IARS2: variants seen among roughly 807,000 people sequenced by gnomAD.
The protein encoded by IARS2 is isoleucine--tRNA ligase, mitochondrial.
In IARS2, 56 loss-of-function variants were observed where a neutral mutation model predicts 126.3. The ratio of observed to expected loss-of-function variants is 0.44; its 90% CI spans 0.36 to 0.55. IARS2 has a LOEUF of 0.55. IARS2 is among the 20% of genes least tolerant of loss of function. IARS2 has a pLI of 0.00. For missense variants in IARS2, 1,127 were observed against 1,245.9 expected (o/e 0.90, Z 1.44); for synonymous variants, 407 against 441.1 (o/e 0.92, Z 0.97).
intron 21 of IARS2, chr1:220,144,073 A>T: frequency 8.3e-7 from 1 of 1,210,214 alleles, no homozygotes; most frequent in Non-Finnish European, 1.2e-6. Flanking sequence ...GGATGGAAGC[A>T]GATTATTTTG....
intron 14 of IARS2, among the ~76,000 whole-genome samples, chr1:220,129,082 C>T (rs1019166180): frequency 1.3e-5 from 2 of 151,912 alleles, no homozygotes; most frequent in Admixed American, 6.6e-5. Flanking sequence ...GGGGTTTCAC[C>T]GTGTTGGCCA....
chr1:220,094,615 A>G, intron 1 of IARS2, 132 bp downstream of exon 1: 1 of 714,122 alleles, frequency 1.4e-6, no homozygotes, highest in South Asian at 2.0e-5. Flanking sequence ...GATTGGTGGA[A>G]TTCGTCTGCT....
intron 10 of IARS2, among the ~76,000 whole-genome samples, chr1:220,110,407 CCAGGCTGGAGTGCAGTGG>C (rs1245987249): frequency 6.6e-6 from 1 of 152,162 alleles, no homozygotes; most frequent in African/African-American, 2.4e-5. Context: ...GCTCTGTCAC[CCAGGCTGGAGTGCAGTGG>C]CACGATCTCG....
At chr1:220,116,252 C>T (rs919296583) in intron 12 of IARS2, among the ~76,000 whole-genome samples, 4 of 152,110 alleles carry the variant, frequency 2.6e-5, no homozygotes, top group African/African-American at 9.7e-5. Flanking sequence ...GCACTTAGTA[C>T]GTGTCAGTGC....
intron 20 of IARS2, among the ~76,000 whole-genome samples, chr1:220,142,265 G>A (rs547188101): frequency 1.3e-5 from 2 of 152,304 alleles, no homozygotes; most frequent in Non-Finnish European, 2.9e-5. Flanking sequence ...TTGGGAGGCC[G>A]AGGTGGGCAG....
intron 13 of IARS2, among the ~76,000 whole-genome samples, chr1:220,125,606 C>A (rs974975080): frequency 1.3e-5 from 2 of 152,078 alleles, no homozygotes; most frequent in African/African-American, 4.8e-5. Flanking sequence ...GAGTTTGAGA[C>A]CAGCCTGGGC....
intron 14 of IARS2, among the ~76,000 whole-genome samples, chr1:220,129,040 G>A (rs1417061571): frequency 6.6e-6 from 1 of 151,900 alleles, no homozygotes; most frequent in Non-Finnish European, 1.5e-5. Flanking sequence ...GTGCCACCAT[G>A]CCCAGCTAAT....
intron 2 of IARS2, among the ~76,000 whole-genome samples, chr1:220,096,938 C>T (rs990678997): frequency 1.3e-4 from 20 of 151,684 alleles, no homozygotes; most frequent in African/African-American, 4.4e-4. Context: ...CCCAGCTACT[C>T]GGGAGGCTGA....
intron 10 of IARS2, among the ~76,000 whole-genome samples, chr1:220,108,300 G>T (rs1408980835): frequency 6.6e-6 from 1 of 151,734 alleles, no homozygotes; most frequent in African/African-American, 2.4e-5. Context: ...GACCTCAGGT[G>T]ATCTGCCCAC....
chr1:220,134,331 A>C (rs1482713918), intron 14 of IARS2, 71 bp from the exon 15 acceptor site: 5 of 1,033,498 alleles, frequency 4.8e-6, no homozygotes, highest in Middle Eastern at 2.5e-4. Context: ...GTTATTAATA[A>C]GTATCTTCTT....
intron 3 of IARS2, 77 bp from the exon 4 acceptor site, chr1:220,102,050 TAG>T: frequency 7.4e-7 from 1 of 1,348,086 alleles, no homozygotes; most frequent in Non-Finnish European, 1.0e-6. Flanking sequence ...CATTTGCATT[TAG>T]AGAGATACAT....
At chr1:220,129,537 T>C (rs796971828) in intron 14 of IARS2, among the ~76,000 whole-genome samples, 37 of 152,322 alleles carry the variant, frequency 2.4e-4, no homozygotes, top group African/African-American at 8.9e-4. Context: ...CTCTGGTAAC[T>C]GTCATTCTAC....
chr1:220,106,263 A>C (rs886851357), intron 9 of IARS2, among the ~76,000 whole-genome samples: 2 of 152,242 alleles, frequency 1.3e-5, no homozygotes, highest in African/African-American at 4.8e-5. Context: ...TTAGCACTTT[A>C]GAATTGAAGA....
At chr1:220,108,882 T>TTTA (rs1656741581) in intron 10 of IARS2, among the ~76,000 whole-genome samples, 5 of 147,816 alleles carry the variant, frequency 3.4e-5, no homozygotes, top group Admixed American at 6.8e-5. Flanking sequence ...TTTTTTTTTT[T>TTTA]ATTGGAGGGA....
At chr1:220,110,673 C>T (rs1656781417) in intron 10 of IARS2, 113 bp from the exon 11 acceptor site, 2 of 800,826 alleles carry the variant, frequency 2.5e-6, no homozygotes, top group Admixed American at 2.5e-5. Context: ...AAGGTGACTA[C>T]TCTTATTGCC....
rs377296322 is a variant in IARS2, at chr1:220,143,257, A to G, written c.2751+123A>G. Reference sequence around the variant, plus strand: ...GGGTTATGTGTAACTTTACTATGCAATTATTCTATTATGTTCCTTTTCACA... The same window carrying G: ...GGGTTATGTGTAACTTTACTATGCAGTTATTCTATTATGTTCCTTTTCACA... On this transcript the variant is annotated intron_variant, in intron 21 of 22. Coordinates refer to ENST00000366922, the MANE Select transcript of IARS2 (RefSeq NM_018060.4). The G allele has an allele frequency of 2.1e-4, 110 of 530,354 alleles. No homozygotes were observed. In the South Asian group the frequency reaches 5.2e-3, roughly 25 times the overall value. 32.9% of individuals were successfully genotyped at this position (530,354 alleles called of 1,614,324 possible).
At chr1:220,119,620 TA>T (rs969171296) in intron 12 of IARS2, among the ~76,000 whole-genome samples, 4 of 152,104 alleles carry the variant, frequency 2.6e-5, no homozygotes, top group African/African-American at 7.2e-5. Flanking sequence ...GGTTTCATTA[TA>T]AAAAAATTCC....
chr1:220,138,941 C>A, intron 17 of IARS2, 67 bp from the exon 18 acceptor site: 3 of 1,402,538 alleles, frequency 2.1e-6, no homozygotes, highest in African/African-American at 1.4e-5. Flanking sequence ...AATAAAATAA[C>A]TTTTCAGTGA....
intron 2 of IARS2, among the ~76,000 whole-genome samples, 192 bp downstream of exon 2, chr1:220,096,418 G>T (rs1282016613): frequency 6.6e-6 from 1 of 151,990 alleles, no homozygotes; most frequent in African/African-American, 2.4e-5. Context: ...TGAGCTTAAC[G>T]TTATATTAGT....
Sources: gnomAD v4.1 joint callset for allele counts (sites outside exome capture counted in the v4.1 genomes callset) on GRCh38, gnomAD v4.1.1 for gene constraint, MANE v1.5 for transcripts, NCBI Gene and HGNC (gene_info 2026-07-23, HGNC 2026-07-21) for gene names.